The following MAP4K4 variants were observed in gnomAD, a reference collection of about 807,000 sequenced individuals.
MAP4K4 encodes the protein HPK/GCK-like kinase HGK.
MAP4K4 carries 38 observed loss-of-function variants against 189.6 expected under a neutral mutation model. The ratio of observed to expected loss-of-function variants is 0.20; its 90% CI spans 0.15 to 0.26. The LOEUF is 0.26. MAP4K4 is among the 10% of genes least tolerant of loss of function. MAP4K4 has a pLI of 1.00. For synonymous variants in MAP4K4, 610 were observed against 624.3 expected (o/e 0.98, Z 0.34); for missense variants, 1,054 against 1,726.9 (o/e 0.61, Z 6.91).
chr2:101,764,411 C>T (rs2077713157), intron 2 of MAP4K4, among the ~76,000 whole-genome samples: 1 of 152,176 alleles, frequency 6.6e-6, no homozygotes, highest in Non-Finnish European at 1.5e-5. Context: ...GCCTTGAGCT[C>T]AAATTCCCAT....
At chr2:101,894,212 T>C (rs1319403672) in exon 33 of MAP4K4, 1 of 152,762 alleles carries the variant, frequency 6.5e-6, no homozygotes, top group Non-Finnish European at 1.5e-5. Flanking sequence ...TAAGGAACAT[T>C]GAACTGTTAG....
At chr2:101,740,643 C>T (rs1048202927) in intron 2 of MAP4K4, among the ~76,000 whole-genome samples, 3 of 152,148 alleles carry the variant, frequency 2.0e-5, no homozygotes, top group Non-Finnish European at 2.9e-5. Context: ...TCTTTTCAAG[C>T]TTGCTGAGAA....
intron 2 of MAP4K4, among the ~76,000 whole-genome samples, chr2:101,758,466 A>G (rs540996504): frequency 6.6e-6 from 1 of 152,216 alleles, no homozygotes; most frequent in Non-Finnish European, 1.5e-5. Flanking sequence ...AAATATATGC[A>G]GGATGTGAAA....
At chr2:101,704,537 G>GTATATA (rs1559012952) in intron 2 of MAP4K4, among the ~76,000 whole-genome samples, 5 of 74,258 alleles carry the variant, frequency 6.7e-5, no homozygotes, top group African/African-American at 4.0e-4. Context: ...GTGTGTGTGT[G>GTATATA]TGTGTATATA....
chr2:101,718,937 G>A (rs62155721), intron 2 of MAP4K4, among the ~76,000 whole-genome samples: 3,508 of 152,286 alleles, frequency 0.023, 42 homozygotes, highest in Non-Finnish European at 0.039. Context: ...AGCTGCTAGG[G>A]TGGGTTCTTT....
chr2:101,871,730 G>A, intron 24 of MAP4K4, 45 bp downstream of exon 24: 12 of 1,510,184 alleles, frequency 7.9e-6, no homozygotes, highest in Non-Finnish European at 1.1e-5. Flanking sequence ...GGTTAGACCA[G>A]CACTGCCTAG....
chr2:101,774,332 A>G (rs879629669), intron 2 of MAP4K4, among the ~76,000 whole-genome samples: 2 of 152,190 alleles, frequency 1.3e-5, no homozygotes, highest in Non-Finnish European at 2.9e-5. Context: ...ACCTTTTCAT[A>G]TACTTGTGTG....
intron 2 of MAP4K4, among the ~76,000 whole-genome samples, chr2:101,763,146 C>T (rs944936992): frequency 6.6e-6 from 1 of 152,326 alleles, no homozygotes; most frequent in African/African-American, 2.4e-5. Flanking sequence ...TAAGTCCACT[C>T]TGTCATTAGC....
At chr2:101,880,115 G>A (rs2098340620) in intron 27 of MAP4K4, among the ~76,000 whole-genome samples, 1 of 152,082 alleles carries the variant, frequency 6.6e-6, no homozygotes, top group South Asian at 2.1e-4. Context: ...TGTGTTTTGC[G>A]GATATTTTCT....
chr2:101,827,444 G>A (rs961640515), intron 5 of MAP4K4, among the ~76,000 whole-genome samples: 2 of 152,306 alleles, frequency 1.3e-5, no homozygotes, highest in Non-Finnish European at 2.9e-5. Context: ...TGATAAACTG[G>A]AGGTAAGGTC....
chr2:101,844,241 A>C, exon 12 of MAP4K4: 1 of 1,588,832 alleles, frequency 6.3e-7, no homozygotes, highest in Non-Finnish European at 8.6e-7. Context: ...GAAGAATATA[A>C]AAGGCAACTG....
chr2:101,720,180 G>A (rs374081163), intron 2 of MAP4K4, among the ~76,000 whole-genome samples: 1,048 of 104,098 alleles, frequency 0.01, 9 homozygotes, highest in African/African-American at 0.04. Context: ...GGTAAGGTCA[G>A]TGGTGTTTTT....
chr2:101,863,379 A>G (rs1469023021), intron 16 of MAP4K4, among the ~76,000 whole-genome samples: 1 of 152,292 alleles, frequency 6.6e-6, no homozygotes, highest in Non-Finnish European at 1.5e-5. Context: ...GTGACACTGC[A>G]GGTAATGTGA....
chr2:101,868,422 TA>T lies in MAP4K4; in HGVS notation c.2463+390del, dbSNP rs772853655. The stretch of plus-strand genomic sequence containing the variant: ...GAAAGAGCTACATAGACTGCGTTTT[TA>T]AAAAGTGATTACTTTTACATAAAAT... On this transcript the variant is annotated intron_variant, in intron 21 of 32. Transcript: ENST00000324219. 1.1e-4 allele frequency among the ~76,000 whole-genome samples: 16 copies of T among 152,314 alleles called. No individual in the cohort carries two copies. The East Asian group carries it at 3.1e-3, about 29-fold the overall frequency.
At chr2:101,734,164 A>G (rs968970809) in intron 2 of MAP4K4, among the ~76,000 whole-genome samples, 1 of 152,222 alleles carries the variant, frequency 6.6e-6, no homozygotes, top group Non-Finnish European at 1.5e-5. Context: ...TCATACTACA[A>G]TTTCTTTAAT....
chr2:101,717,030 G>C (rs769673525), intron 2 of MAP4K4, among the ~76,000 whole-genome samples: 3 of 151,936 alleles, frequency 2.0e-5, no homozygotes, highest in Non-Finnish European at 2.9e-5. Context: ...TAATTACAGT[G>C]TTACAGTATG....
chr2:101,829,360 T>C lies in MAP4K4; in HGVS notation c.418-144T>C, dbSNP rs1382359789. On this transcript the variant is annotated intron_variant, in intron 5 of 32. Coordinates refer to ENST00000324219, the Ensembl canonical transcript of MAP4K4. ...TGTGGTAGTATTGGTGCTGTCTTCCTGGGAATGCACTAAGACGAAGTTAAT... is the reference window on the plus strand; with the variant it reads ...TGTGGTAGTATTGGTGCTGTCTTCCCGGGAATGCACTAAGACGAAGTTAAT... 7 of 591,444 alleles carry C rather than the reference T, an allele frequency of 1.2e-5. No homozygotes were observed. The Admixed American group carries it at 1.5e-4, about 13-fold the overall frequency. The allele number at this position is 591,444 out of a possible 1,614,324, so 36.6% of individuals were successfully genotyped here. A position where few individuals can be genotyped will look rare whatever the true frequency, so the allele number is the denominator to read the frequency against.
At chr2:101,762,110 G>A (rs949650809) in intron 2 of MAP4K4, among the ~76,000 whole-genome samples, 2 of 152,190 alleles carry the variant, frequency 1.3e-5, no homozygotes, top group Non-Finnish European at 1.5e-5. Context: ...GGATTAGAAG[G>A]TATATGGGTG....
At chr2:101,798,378 A>G (rs748352137) in intron 3 of MAP4K4, among the ~76,000 whole-genome samples, 2 of 152,210 alleles carry the variant, frequency 1.3e-5, no homozygotes, top group Non-Finnish European at 2.9e-5. Context: ...AGTAATATAA[A>G]AATACAAAAT....
Sources: gnomAD v4.1 joint callset for allele counts (sites outside exome capture counted in the v4.1 genomes callset) on GRCh38, gnomAD v4.1.1 for gene constraint, MANE v1.5 for transcripts, NCBI Gene and HGNC (gene_info 2026-07-23, HGNC 2026-07-21) for gene names.